RABGEF1: variants seen among roughly 807,000 people sequenced by gnomAD.
RABGEF1 encodes the protein rab5 GDP/GTP exchange factor.
RABGEF1 carries 26 observed loss-of-function variants against 57.3 expected under a neutral mutation model. The observed-to-expected ratio is 0.45, with a 90% confidence interval of 0.33 to 0.63. RABGEF1 has a LOEUF of 0.63. Ranked by LOEUF, RABGEF1 falls within the 20% of genes least tolerant of loss-of-function variation. The pLI is 0.02. For synonymous variants in RABGEF1, 185 were observed against 210.7 expected (o/e 0.88, Z 1.06); for missense variants, 464 against 607.6 (o/e 0.76, Z 2.48).
intron 1 of RABGEF1, among the ~76,000 whole-genome samples, chr7:66,702,005 C>T (rs922655811): frequency 9.2e-5 from 14 of 152,142 alleles, no homozygotes; most frequent in Non-Finnish European, 1.3e-4. Flanking sequence ...ATCATCACTA[C>T]CATCAACTCA....
intron 4 of RABGEF1, among the ~76,000 whole-genome samples, chr7:66,794,230 TTTAC>T: frequency 6.7e-6 from 1 of 149,452 alleles, no homozygotes; most frequent in African/African-American, 2.4e-5. Context: ...TTTTTTTTTT[TTTAC>T]TTATTATTGT....
At chr7:66,674,257 T>C in the RABGEF1 span, among the ~76,000 whole-genome samples, 2 of 151,712 alleles carry the variant, frequency 1.3e-5, no homozygotes, top group Non-Finnish European at 2.9e-5. Context: ...TGGTATGATC[T>C]CAGCTCACTG....
chr7:66,763,621 C>T (rs1804993691), intron 1 of RABGEF1, among the ~76,000 whole-genome samples: 1 of 152,196 alleles, frequency 6.6e-6, no homozygotes, highest in African/African-American at 2.4e-5. Flanking sequence ...TTTTCATCAT[C>T]TCAAAAAGGA....
chr7:66,673,164 A>T, the RABGEF1 span, among the ~76,000 whole-genome samples: 1 of 136,166 alleles, frequency 7.3e-6, no homozygotes, highest in Non-Finnish European at 1.6e-5. Flanking sequence ...CGACATTCTT[A>T]CTTTGGCTGA....
intron 1 of RABGEF1, among the ~76,000 whole-genome samples, chr7:66,749,368 GTAA>G (rs1285565651): frequency 6.6e-6 from 1 of 152,210 alleles, no homozygotes; most frequent in Non-Finnish European, 1.5e-5. Context: ...ATATAGTTAT[GTAA>G]TGCTGTGTTT....
At chr7:66,655,817 A>G in the RABGEF1 span, among the ~76,000 whole-genome samples, 86 of 152,364 alleles carry the variant, frequency 5.6e-4, 1 homozygote, top group Middle Eastern at 3.4e-3. Flanking sequence ...GGATTAAGAA[A>G]TGTTCAGGAT....
At chr7:66,785,842 C>G (rs369588081) in intron 4 of RABGEF1, among the ~76,000 whole-genome samples, 1 of 151,824 alleles carries the variant, frequency 6.6e-6, no homozygotes, top group African/African-American at 2.4e-5. Context: ...CCACTGCACT[C>G]CAGCCTGGAT....
chr7:66,802,588 CAT>C (rs1409378472), intron 7 of RABGEF1, among the ~76,000 whole-genome samples: 8 of 152,316 alleles, frequency 5.3e-5, no homozygotes, highest in African/African-American at 1.4e-4. Flanking sequence ...TTTCTCCTCA[CAT>C]GTCTCCTAGT....
At chr7:66,666,506 C>G in the RABGEF1 span, among the ~76,000 whole-genome samples, 193 of 152,320 alleles carry the variant, frequency 1.3e-3, no homozygotes, top group Admixed American at 2.1e-3. Flanking sequence ...CGCACACCCC[C>G]TCTGTGCCAG....
At chr7:66,799,553 GT>G in intron 7 of RABGEF1, 139 bp downstream of exon 7, 1 of 692,748 alleles carries the variant, frequency 1.4e-6, no homozygotes, top group Non-Finnish European at 2.3e-6. Context: ...TTGTAAGATT[GT>G]TTTATGAATT....
chr7:66,779,759 A>G (rs1252447577), intron 3 of RABGEF1, among the ~76,000 whole-genome samples: 1 of 151,540 alleles, frequency 6.6e-6, no homozygotes, highest in Non-Finnish European at 1.5e-5. Context: ...CAAAATTATG[A>G]ACTGTAACGT....
rs77662443 is a variant in RABGEF1 at position 66,710,661 on chromosome 7, A to G, written c.-872-1506A>G. Among the ~76,000 whole-genome samples, 56 of 152,326 alleles carry G rather than the reference A, an allele frequency of 3.7e-4. No homozygotes were observed. The East Asian group carries it at 4.8e-3, about 13-fold the overall frequency. ...GATATAAAGCATTTGTTCATATACCATACCTGTTTTGTCTTCTTTGGAGAA... is the reference window on the plus strand; with the variant it reads ...GATATAAAGCATTTGTTCATATACCGTACCTGTTTTGTCTTCTTTGGAGAA... On this transcript the variant is annotated intron_variant and NMD_transcript_variant, in intron 1 of 9. Transcript: ENST00000607882.
the RABGEF1 span, among the ~76,000 whole-genome samples, chr7:66,659,557 A>T: frequency 5.3e-5 from 8 of 152,206 alleles, no homozygotes; most frequent in South Asian, 1.5e-3. Flanking sequence ...AGGCAGGTGG[A>T]TCACTTGAGT....
chr7:66,714,610 G>A (rs1795149299), intron 2 of RABGEF1, among the ~76,000 whole-genome samples: 1 of 152,024 alleles, frequency 6.6e-6, no homozygotes, highest in African/African-American at 2.4e-5. Flanking sequence ...GCTTACCTTG[G>A]GTTGATTTTA....
rs374543437 is a variant in RABGEF1, at chr7:66,731,978, C to T, written c.-814-8018C>T. ...CCAGGGCCCATGGGGGAAGGCTGGA[C>T]GATGATCTGGGGAGGAGATGGAAAA... On this transcript the variant is annotated intron_variant and NMD_transcript_variant, in intron 2 of 9. Coordinates refer to the RABGEF1 transcript ENST00000607882. Among the ~76,000 whole-genome samples the T allele has an allele frequency of 3.6e-4, 55 of 152,298 alleles. No homozygotes were observed. In the East Asian group the frequency reaches 5.8e-3, roughly 16 times the overall value.
intron 2 of RABGEF1, among the ~76,000 whole-genome samples, chr7:66,720,830 A>G (rs1037381146): frequency 6.6e-6 from 1 of 152,230 alleles, no homozygotes; most frequent in Non-Finnish European, 1.5e-5. Flanking sequence ...ACTAGAACTA[A>G]TAAGTTAGCA....
intron 2 of RABGEF1, among the ~76,000 whole-genome samples, chr7:66,774,982 G>A (rs1463973600): frequency 6.6e-6 from 1 of 152,282 alleles, no homozygotes; most frequent in Non-Finnish European, 1.5e-5. Context: ...AAAAGGATTA[G>A]ACTTGATTTC....
chr7:66,667,650 G>A, the RABGEF1 span: 2 of 152,330 alleles, frequency 1.3e-5, no homozygotes, highest in South Asian at 4.1e-4. Context: ...ACCTTTGAAA[G>A]GGATGAAAAA....
chr7:66,743,474 C>T (rs532253324), intron 1 of RABGEF1, among the ~76,000 whole-genome samples: 19 of 151,860 alleles, frequency 1.3e-4, no homozygotes, highest in Non-Finnish European at 2.8e-4. Context: ...ACAGGCCTGC[C>T]ACCTACTAAT....
Sources: allele counts gnomAD v4.1 joint callset (sites outside exome capture counted in the v4.1 genomes callset), GRCh38; gene constraint gnomAD v4.1.1; transcripts MANE v1.5; gene names NCBI Gene and HGNC (gene_info 2026-07-23, HGNC 2026-07-21).